SUPT6H: variants seen among roughly 807,000 people sequenced by gnomAD.
SUPT6H encodes the protein transcription elongation factor SPT6.
A neutral mutation model predicts 222.3 loss-of-function variants in SUPT6H; 11 were observed. That is an observed-to-expected ratio of 0.05 (90% CI 0.03 to 0.08). The LOEUF (loss-of-function observed/expected upper bound fraction) is 0.08. Among genes scored for constraint, SUPT6H ranks in the 10% least tolerant of loss-of-function variants. SUPT6H has a pLI of 1.00. For synonymous variants in SUPT6H, 762 were observed against 801.2 expected (o/e 0.95, Z 0.83); for missense variants, 1,422 against 2,216.0 (o/e 0.64, Z 7.19).
intron 10 of SUPT6H, 86 bp downstream of exon 10, chr17:28,678,720 C>G: frequency 1.9e-6 from 3 of 1,609,322 alleles, no homozygotes; most frequent in Non-Finnish European, 8.5e-7. Context: ...ACCCCCCAGG[C>G]CTGTCTAGTC....
At chr17:28,697,835 T>C in intron 31 of SUPT6H, 71 bp from the exon 32 acceptor site, 1 of 1,607,046 alleles carries the variant, frequency 6.2e-7, no homozygotes, top group South Asian at 1.1e-5. Context: ...GAAGTGTACA[T>C]CATGTGTGCA....
At chr17:28,697,575 T>G (rs753216108) in intron 30 of SUPT6H, 45 bp from the exon 31 acceptor site, 23 of 1,514,356 alleles carry the variant, frequency 1.5e-5, no homozygotes, top group Non-Finnish European at 1.3e-5. Context: ...ATCAAGAATC[T>G]CAGCTCTGGA....
chr17:28,677,877 A>C, intron 8 of SUPT6H, 61 bp downstream of exon 8: 1 of 1,485,578 alleles, frequency 6.7e-7, no homozygotes, highest in Non-Finnish European at 9.4e-7. Context: ...CAAGATGGGG[A>C]GCTCTTCCTC....
In SUPT6H at chr17:28,690,118, C is replaced by T; in HGVS notation, c.3379C>T (p.Arg1127Trp). The T allele has an allele frequency of 1.9e-6, 3 of 1,613,276 alleles. No homozygotes were observed. Among genetic ancestry groups the T allele is most frequent in the Non-Finnish European group, 2.5e-6 (3 of 1,179,970 alleles). Residue 1127 changes from arginine to tryptophan, a missense_variant, in exon 26 of 37, where the codon CGG becomes TGG. Transcript: ENST00000314616. Reference protein sequence around the residue: ...GDKHITLYDIRAELSCRYKDL... With the variant: ...GDKHITLYDIWAELSCRYKDL... ...CAAACACATCACACTCTATGACATC[C>T]GGGCAGAGCTGAGCTGTCGATATAA...
chr17:28,694,483 C>CTG (rs1338053217), intron 28 of SUPT6H, among the ~76,000 whole-genome samples: 2 of 152,164 alleles, frequency 1.3e-5, no homozygotes, highest in Non-Finnish European at 2.9e-5. Context: ...AGTGATATAG[C>CTG]TGATAGCAGC....
intron 11 of SUPT6H, among the ~76,000 whole-genome samples, chr17:28,680,006 GAA>G (rs1208175960): frequency 2.5e-5 from 1 of 39,960 alleles, no homozygotes; most frequent in Admixed American, 3.6e-4. Flanking sequence ...AAAAAAAAAA[GAA>G]AGAAAGAAAA....
intron 32 of SUPT6H, 101 bp from the exon 33 acceptor site, chr17:28,699,680 A>C (rs1404762572): frequency 1.0e-5 from 10 of 953,964 alleles, no homozygotes; most frequent in Non-Finnish European, 1.7e-5. Flanking sequence ...CCTTTCCCCT[A>C]GCACCCAGAA....
rs773015729 is a variant in SUPT6H at position 28,676,439 on chromosome 17, C to A, written c.897+9C>A. 3 of 1,613,400 alleles carry A rather than the reference C, an allele frequency of 1.9e-6. No homozygotes were observed. Among genetic ancestry groups the A allele is most frequent in the Admixed American group, 1.7e-5 (1 of 59,990 alleles). ...TGCCTGAGAGGTTCCAGGTAAAAAA[C>A]CACCAGCCTCTGCTCTTCTACCAAT... On this transcript the variant is annotated intron_variant, in intron 7 of 36. Transcript: ENST00000314616.
chr17:28,684,799 C>T (rs1442364331), intron 18 of SUPT6H, 45 bp from the exon 19 acceptor site: 1 of 1,613,504 alleles, frequency 6.2e-7, no homozygotes, highest in East Asian at 2.2e-5. Context: ...TTCATAACTT[C>T]ATATTGCTGA....
intron 1 of SUPT6H, among the ~76,000 whole-genome samples, chr17:28,666,098 C>T (rs879509121): frequency 2.6e-5 from 4 of 152,230 alleles, no homozygotes; most frequent in Non-Finnish European, 4.4e-5. Context: ...AAGCACACGT[C>T]TCTGACATCA....
chr17:28,686,470 A>T, intron 20 of SUPT6H, 55 bp downstream of exon 20: 1 of 1,590,340 alleles, frequency 6.3e-7, no homozygotes, highest in Non-Finnish European at 8.6e-7. Flanking sequence ...CTCATCCCTT[A>T]TTATTGAGTC....
At position 28,687,438 on chromosome 17, in the gene SUPT6H, C is replaced by T; in HGVS notation, c.2973C>T (p.Gly991=). ...YSQALIQYVC[G]LGPRKGTHLL... ...AGGCCTTGATCCAGTATGTTTGTGG[C>T]CTGGGACCTCGGAAAGGGACCCACC... Residue 991 remains glycine, a synonymous_variant, in exon 23 of 37, where the codon GGC becomes GGT. Transcript: ENST00000314616. 2 of 1,614,176 alleles carry T rather than the reference C, an allele frequency of 1.2e-6. No individual in the cohort carries two copies. Among genetic ancestry groups the T allele is most frequent in the African/African-American group, 2.7e-5 (2 of 75,042 alleles).
chr17:28,701,439 G>A lies in SUPT6H; in HGVS notation c.4995G>A (p.Lys1665=), dbSNP rs117752697. 9.1e-5 allele frequency: 146 copies of A among 1,613,220 alleles called. No individual in the cohort carries two copies. The East Asian group carries it at 3.0e-3, about 33-fold the overall frequency. The part of the protein sequence containing the change: ...SSSRQRQQQP[K]SNSHAAIDWG... ...ATCTCAACTTTTCTTCCCCTCCCAG[G>A]TCCAACAGCCATGCAGCCATCGACT... Residue 1665 remains lysine (K), a splice_region_variant and synonymous_variant, in exon 37 of 37, where the codon AAG becomes AAA. Coordinates refer to ENST00000314616, the MANE Select transcript of SUPT6H (RefSeq NM_003170.5).
intron 26 of SUPT6H, 130 bp from the exon 27 acceptor site, chr17:28,690,791 T>A: frequency 1.9e-6 from 2 of 1,061,638 alleles, no homozygotes; most frequent in East Asian, 2.6e-5. Context: ...AATAAATAAA[T>A]AAAAATCGGG....
intron 1 of SUPT6H, among the ~76,000 whole-genome samples, chr17:28,667,608 CT>C (rs1356683699): frequency 6.6e-6 from 1 of 150,426 alleles, no homozygotes; most frequent in Non-Finnish European, 1.5e-5. Context: ...CCCTAGACTT[CT>C]GGGGCTGTTC....
At chr17:28,666,806 C>T (rs990336139) in intron 1 of SUPT6H, among the ~76,000 whole-genome samples, 5 of 152,270 alleles carry the variant, frequency 3.3e-5, no homozygotes, top group African/African-American at 1.2e-4. Flanking sequence ...ATCAGCCTGC[C>T]TCAGCCTCCC....
intron 11 of SUPT6H, among the ~76,000 whole-genome samples, chr17:28,679,762 C>T (rs552812670): frequency 1.5e-4 from 23 of 150,958 alleles, no homozygotes; most frequent in African/African-American, 4.6e-4. Context: ...GAAGCCAGGG[C>T]GGGCGGGTCA....
Position 28,683,630 on chromosome 17 carries a change from C to T in SUPT6H, c.2043C>T (p.Asn681=), listed in dbSNP as rs367756888. ...TTGTGTCTCTTCTCAGCTATGGCAA[C>T]GACCAGACATATTTTGAGGAGATAA... ...IDLKGVEGYG[N]DQTYFEEIKQ... is the part of the protein sequence containing the mutation. Residue 681 remains asparagine (N), a synonymous_variant, in exon 17 of 37, where the codon AAC becomes AAT. Transcript: ENST00000314616. 2.9e-5 allele frequency: 46 copies of T among 1,613,674 alleles called. No individual in the cohort carries two copies. Among genetic ancestry groups the T allele is most frequent in the South Asian group, 2.5e-4 (23 of 91,048 alleles).
At position 28,688,962 on chromosome 17, in the gene SUPT6H, C is replaced by A; in HGVS notation, c.3135-392C>A. On this transcript the variant is annotated intron_variant, in intron 24 of 36. Transcript: ENST00000314616. The surrounding 1 kb of genome is among the most constrained non-coding windows in gnomAD (Gnocchi z 4.3). ...TATTATGAGACTCATATAAGTTCAT[C>A]ATATAAAATTCAACATATAGAAATA... The A allele has an allele frequency of 5.5e-6, 1 of 182,902 alleles. No homozygotes were observed. Among genetic ancestry groups the A allele is most frequent in the Admixed American group, 5.6e-5 (1 of 17,892 alleles). The allele number at this position is 182,902 out of a possible 1,614,324, so 11.3% of individuals were successfully genotyped here.
Sources: gnomAD v4.1 joint callset for allele counts (sites outside exome capture counted in the v4.1 genomes callset) on GRCh38, gnomAD v4.1.1 for gene constraint, Gnocchi (gnomAD v3.1) non-coding constraint, MANE v1.5 for transcripts, NCBI Gene and HGNC (gene_info 2026-07-23, HGNC 2026-07-21) for gene names.